ROCK2: variants seen among roughly 807,000 people sequenced by gnomAD.
ROCK2 encodes Rho associated coiled-coil containing protein kinase 2, also known as rho-associated protein kinase 2.
ROCK2 carries 61 observed loss-of-function variants against 195.1 expected under a neutral mutation model. That is an observed-to-expected ratio of 0.31 (90% confidence interval 0.25 to 0.39). The LOEUF (loss-of-function observed/expected upper bound fraction) is 0.39. Ranked by LOEUF, ROCK2 falls within the 10% of genes least tolerant of loss-of-function variation. ROCK2 has a pLI of 1.00. For synonymous variants in ROCK2, 504 were observed against 545.5 expected (o/e 0.92, Z 1.06); for missense variants, 1,109 against 1,637.4 (o/e 0.68, Z 5.57).
At chr2:11,255,736 A>G (rs1666007032) in intron 3 of ROCK2, among the ~76,000 whole-genome samples, 2 of 150,564 alleles carry the variant, frequency 1.3e-5, no homozygotes, top group Non-Finnish European at 2.9e-5. Flanking sequence ...CCTGGCCAAC[A>G]TGGTGAAACC....
At chr2:11,249,344 T>C (rs747292810) in intron 4 of ROCK2, among the ~76,000 whole-genome samples, 3 of 152,232 alleles carry the variant, frequency 2.0e-5, no homozygotes, top group African/African-American at 7.2e-5. Flanking sequence ...ATTTACTATG[T>C]TCCTACTATG....
In ROCK2 at chr2:11,222,314, C is replaced by CTTAAAACATTTTAAACATTGCTT. The variant is rs1664663831; in HGVS notation, c.1008-141_1008-140insAAGCAATGTTTAAAATGTTTTAA. 3 of 534,850 alleles carry CTTAAAACATTTTAAACATTGCTT rather than the reference C, an allele frequency of 5.6e-6. No homozygotes were observed. The East Asian group carries it at 8.6e-5, about 15-fold the overall frequency. The allele number at this position is 534,850 out of a possible 1,614,324, so 33.1% of individuals were successfully genotyped here. The stretch of plus-strand genomic sequence containing the variant: ...TAAAAGCTTCAGCTTAAATGTTTCT[C>CTTAAAACATTTTAAACATTGCTT]AAAAATAAGCAATCCCAAGTTACAG... On this transcript the variant is annotated intron_variant, in intron 7 of 32. Coordinates refer to ENST00000315872, the MANE Select transcript of ROCK2 (RefSeq NM_004850.5).
At chr2:11,320,662 T>C (rs868174823) in intron 1 of ROCK2, among the ~76,000 whole-genome samples, 3 of 152,282 alleles carry the variant, frequency 2.0e-5, no homozygotes, top group Middle Eastern at 3.4e-3. Flanking sequence ...TGAAACAACT[T>C]ACCAACTAGA....
chr2:11,223,698 G>C (rs534223720), intron 7 of ROCK2, among the ~76,000 whole-genome samples: 1 of 152,178 alleles, frequency 6.6e-6, no homozygotes, highest in South Asian at 2.1e-4. Context: ...TTGGTCCTTT[G>C]ACAGGATGAC....
intron 3 of ROCK2, among the ~76,000 whole-genome samples, chr2:11,263,366 A>T (rs984711163): frequency 1.3e-5 from 2 of 152,180 alleles, no homozygotes; most frequent in Admixed American, 6.5e-5. Flanking sequence ...TCCAGATATG[A>T]TCTGGTTGCA....
chr2:11,192,321 T>C lies in ROCK2; in HGVS notation c.3990A>G (p.Leu1330=). 1 of 1,613,854 alleles carries C rather than the reference T, an allele frequency of 6.2e-7. No homozygotes were observed. Among genetic ancestry groups the C allele is most frequent in the Non-Finnish European group, 8.5e-7 (1 of 1,179,854 alleles). The part of the protein sequence containing the change: ...DISTAKNLLL[L]ANSTEEQQKW... ...TCTGCTGCTCTTCTGTAGAATTTGC[T>C]AGTAATAACAGATTCTTTGCCGTTG... The change falls in exon 32 of 33, where the codon CTA becomes CTG. Residue 1330 remains leucine, a synonymous_variant. Coordinates refer to ENST00000315872, the MANE Select transcript of ROCK2 (RefSeq NM_004850.5). The surrounding 1 kb of genome is among the most constrained non-coding windows in gnomAD (Gnocchi z 5.0).
intron 1 of ROCK2, among the ~76,000 whole-genome samples, chr2:11,326,666 A>C (rs1668559971): frequency 6.6e-6 from 1 of 152,192 alleles, no homozygotes; most frequent in South Asian, 2.1e-4. Flanking sequence ...CATGTTTATT[A>C]GTGAGATGGG....
rs368925739 is a variant in ROCK2 at position 11,211,660 on chromosome 2, C to T, written c.2203+21G>A. 1.9e-6 allele frequency: 3 copies of T among 1,559,220 alleles called. No individual in the cohort carries two copies. In the East Asian group the frequency reaches 6.8e-5, roughly 35 times the overall value. On this transcript the variant is annotated intron_variant, in intron 18 of 32. Coordinates refer to ENST00000315872, the MANE Select transcript of ROCK2 (RefSeq NM_004850.5). ...TTCTTAGGAAGACGCTGCTGGAAAA[C>T]CCTCTTTAAAAAATGCATACCTTTC...
chr2:11,282,792 T>C lies in ROCK2; in HGVS notation c.324+3747A>G, dbSNP rs535955857. Among the ~76,000 whole-genome samples the C allele has an allele frequency of 4.0e-4, 61 of 152,056 alleles. 1 individual carries two copies. Among genetic ancestry groups the C allele is most frequent in the Admixed American group, 3.7e-3 (56 of 15,274 alleles). ...CAAATTGTCTACTACTCAAAGACAATGTCAAGAGGATGAGAAGAAAAACCA... is the reference window on the plus strand; with the variant it reads ...CAAATTGTCTACTACTCAAAGACAACGTCAAGAGGATGAGAAGAAAAACCA... On this transcript the variant is annotated intron_variant, in intron 3 of 32. Coordinates refer to ENST00000315872, the MANE Select transcript of ROCK2 (RefSeq NM_004850.5).
At chr2:11,209,648 A>C (rs916311890) in intron 18 of ROCK2, among the ~76,000 whole-genome samples, 1 of 152,206 alleles carries the variant, frequency 6.6e-6, no homozygotes, top group Non-Finnish European at 1.5e-5. Flanking sequence ...TTTCAGTGTT[A>C]AATGTAAGTC....
Position 11,194,223 on chromosome 2 carries a change from A to G in ROCK2, c.3608+33T>C, listed in dbSNP as rs778287254. On this transcript the variant is annotated intron_variant, in intron 29 of 32. Coordinates refer to ENST00000315872, the MANE Select transcript of ROCK2 (RefSeq NM_004850.5). ...GTTAGTCTCTTATACTTTAAAAGAT[A>G]TAGTTTCTAAATATTCTAACAAAAA... The G allele has an allele frequency of 4.3e-6, 4 of 936,548 alleles. No individual in the cohort carries two copies. The South Asian group carries it at 8.2e-5, about 19-fold the overall frequency. The allele number at this position is 936,548 out of a possible 1,614,324, so 58.0% of individuals were successfully genotyped here. A position where few individuals can be genotyped will look rare whatever the true frequency, so the allele number is the denominator to read the frequency against.
chr2:11,243,773 G>A (rs557392831), intron 4 of ROCK2, among the ~76,000 whole-genome samples: 1 of 152,300 alleles, frequency 6.6e-6, no homozygotes, highest in South Asian at 2.1e-4. Flanking sequence ...TGGCATTCTG[G>A]ATGGGATCCT....
In ROCK2 at chr2:11,216,213, A is replaced by C. The variant is rs1218651884; in HGVS notation, c.1413-7T>G. ...TAGGCGAGTATTAACAGATCTAAAG[A>C]ATTTCAGAAAGAAACAGTAAATAAC... On this transcript the variant is annotated splice_polypyrimidine_tract_variant and splice_region_variant and intron_variant, in intron 12 of 32. Coordinates refer to ENST00000315872, the MANE Select transcript of ROCK2 (RefSeq NM_004850.5). 1 of 1,597,598 alleles carries C rather than the reference A, an allele frequency of 6.3e-7. No homozygotes were observed.
chr2:11,204,883 C>T (rs1041692307), intron 20 of ROCK2, among the ~76,000 whole-genome samples: 7 of 152,078 alleles, frequency 4.6e-5, no homozygotes, highest in African/African-American at 1.4e-4. Context: ...ATGTTTCCTC[C>T]GGGGGCACTT....
At chr2:11,281,828 C>T (rs1199969417) in intron 3 of ROCK2, among the ~76,000 whole-genome samples, 2 of 152,036 alleles carry the variant, frequency 1.3e-5, no homozygotes, top group Non-Finnish European at 2.9e-5. Context: ...AGGAAAACTA[C>T]AAAACTCTGA....
chr2:11,324,691 T>A (rs571352621), intron 1 of ROCK2, among the ~76,000 whole-genome samples: 32 of 152,330 alleles, frequency 2.1e-4, no homozygotes, highest in African/African-American at 7.2e-4. Context: ...AAAGAACTTG[T>A]TATTTTCATG....
At chr2:11,291,330 G>A (rs1386014212) in intron 1 of ROCK2, among the ~76,000 whole-genome samples, 10 of 152,130 alleles carry the variant, frequency 6.6e-5, no homozygotes, top group African/African-American at 2.2e-4. Context: ...CGGGCGCATC[G>A]CCTGAGGCCA....
Position 11,217,094 on chromosome 2 carries a change from A to C in ROCK2, c.1408T>G (p.Cys470Gly). 2 of 1,469,932 alleles carry C rather than the reference A, an allele frequency of 1.4e-6. No individual in the cohort carries two copies. Among genetic ancestry groups the C allele is most frequent in the Non-Finnish European group, 1.9e-6 (2 of 1,050,044 alleles). The allele number at this position is 1,469,932 out of a possible 1,614,324, so 91.1% of individuals were successfully genotyped here. ...MQAKEELEQK[C>G]KSVNTRLEKT... ...TTAATTATCTACAAAACATACTTGC[A>C]CTTCTGTTCCAGTTCCTCTTTGGCT... The change falls in exon 12 of 33, where the codon TGC (cysteine) becomes GGC (glycine). Residue 470 changes from cysteine (C) to glycine (G), a missense_variant. Transcript: ENST00000315872.
chr2:11,233,340 C>G (rs1384996468), intron 5 of ROCK2, among the ~76,000 whole-genome samples: 1 of 152,016 alleles, frequency 6.6e-6, no homozygotes, highest in Middle Eastern at 3.4e-3. Context: ...AACTGGTAAC[C>G]CTTAGAGAAC....
Sources: gnomAD v4.1 joint callset for allele counts (sites outside exome capture counted in the v4.1 genomes callset) on GRCh38, gnomAD v4.1.1 for gene constraint, Gnocchi (gnomAD v3.1) non-coding constraint, MANE v1.5 for transcripts, NCBI Gene and HGNC (gene_info 2026-07-23, HGNC 2026-07-21) for gene names.